Variants in RIC8B observed in about 807,000 individuals in gnomAD.
RIC8B encodes RIC8 guanine nucleotide exchange factor B.
Under a neutral mutation model 57.5 loss-of-function variants are expected in RIC8B, and 16 were observed. The observed-to-expected ratio is 0.28, with a 90% CI of 0.19 to 0.42. The LOEUF is 0.42. RIC8B is among the 10% of genes least tolerant of loss of function. The pLI is 1.00. For synonymous variants in RIC8B, 216 were observed against 250.8 expected, an observed-to-expected ratio of 0.86 and a Z score of 1.31; for missense variants, 481 against 677.0, an observed-to-expected ratio of 0.71 and a Z score of 3.21.
chr12:106,781,350 A>G (rs569220019), intron 1 of RIC8B, among the ~76,000 whole-genome samples: 1 of 152,306 alleles, frequency 6.6e-6, no homozygotes, highest in South Asian at 2.1e-4. Context: ...TTCTAGAAAT[A>G]CATGTACAGC....
chr12:106,828,511 T>G (rs1285786475), intron 4 of RIC8B, among the ~76,000 whole-genome samples: 1 of 152,212 alleles, frequency 6.6e-6, no homozygotes, highest in East Asian at 1.9e-4. Flanking sequence ...TTGCTTTTTT[T>G]TGGACACTTT....
intron 6 of RIC8B, among the ~76,000 whole-genome samples, chr12:106,846,135 C>T (rs1949177188): frequency 6.6e-6 from 1 of 152,188 alleles, no homozygotes; most frequent in Admixed American, 6.5e-5. Flanking sequence ...ATATCTCCAG[C>T]CCTGACCTGT....
chr12:106,784,631 G>A (rs2043918933), intron 2 of RIC8B, among the ~76,000 whole-genome samples: 2 of 152,112 alleles, frequency 1.3e-5, no homozygotes, highest in South Asian at 4.1e-4. Flanking sequence ...CCAAAGTGCT[G>A]GGATTACAGG....
At chr12:106,809,795 G>A (rs1233348337) in intron 2 of RIC8B, among the ~76,000 whole-genome samples, 1 of 151,898 alleles carries the variant, frequency 6.6e-6, no homozygotes, top group South Asian at 2.1e-4. Flanking sequence ...GGTAATTGGG[G>A]TATCCATCCT....
At chr12:106,792,100 C>G (rs2044282283) in intron 2 of RIC8B, among the ~76,000 whole-genome samples, 1 of 152,178 alleles carries the variant, frequency 6.6e-6, no homozygotes, top group African/African-American at 2.4e-5. Flanking sequence ...ACATCTTCAT[C>G]TCTTTAAAAT....
intron 2 of RIC8B, among the ~76,000 whole-genome samples, chr12:106,787,330 G>A (rs1290513977): frequency 6.6e-6 from 1 of 152,110 alleles, no homozygotes; most frequent in Non-Finnish European, 1.5e-5. Flanking sequence ...CATGCCTAAG[G>A]CTCTTTTTAG....
At chr12:106,808,528 G>A (rs924711650) in intron 2 of RIC8B, among the ~76,000 whole-genome samples, 2 of 152,088 alleles carry the variant, frequency 1.3e-5, no homozygotes, top group Admixed American at 1.3e-4. Flanking sequence ...TCCCTAATTT[G>A]CAGTAGGCCA....
At chr12:106,856,338 T>G (rs1260481749) in intron 7 of RIC8B, among the ~76,000 whole-genome samples, 1 of 152,186 alleles carries the variant, frequency 6.6e-6, no homozygotes, top group Non-Finnish European at 1.5e-5. Flanking sequence ...GCCTGCATGG[T>G]AAAAACCAAA....
chr12:106,864,559 C>T (rs1286911486), intron 8 of RIC8B, among the ~76,000 whole-genome samples: 1 of 152,044 alleles, frequency 6.6e-6, no homozygotes, highest in African/African-American at 2.4e-5. Flanking sequence ...GCAAACAGTT[C>T]GTTAAGTGGT....
At chr12:106,788,923 T>G (rs2044149668) in intron 2 of RIC8B, among the ~76,000 whole-genome samples, 1 of 152,254 alleles carries the variant, frequency 6.6e-6, no homozygotes, top group Non-Finnish European at 1.5e-5. Flanking sequence ...GAATTTCTCC[T>G]CAGAAAATGG....
chr12:106,806,653 A>G (rs2045038475), intron 2 of RIC8B, among the ~76,000 whole-genome samples: 1 of 151,986 alleles, frequency 6.6e-6, no homozygotes, highest in African/African-American at 2.4e-5. Flanking sequence ...AACCTGGTGA[A>G]ACCCCGTCTC....
Position 106,789,422 on chromosome 12 carries a change from T to C in RIC8B, c.132+5378T>C, listed in dbSNP as rs142318902. Among the ~76,000 whole-genome samples the C allele has an allele frequency of 3.9e-5, 6 of 152,280 alleles. No homozygotes were observed. In the East Asian group the frequency reaches 1.2e-3, roughly 29 times the overall value. On this transcript the variant is annotated intron_variant, in intron 2 of 9. Transcript: ENST00000392837. ...AACACCCCACTCTACTGGTACCAAC[T>C]TAACATACTAGTCCATTTTCACACG...
At chr12:106,780,425 G>T (rs1593063820) in intron 1 of RIC8B, among the ~76,000 whole-genome samples, 1 of 152,206 alleles carries the variant, frequency 6.6e-6, no homozygotes, top group Non-Finnish European at 1.5e-5. Flanking sequence ...TCATTCATGT[G>T]CTAGAAGAAC....
chr12:106,870,607 GT>G (rs1290577132), intron 8 of RIC8B, among the ~76,000 whole-genome samples: 1 of 150,494 alleles, frequency 6.6e-6, no homozygotes, highest in African/African-American at 2.4e-5. Flanking sequence ...GACAGTTTTC[GT>G]TTTTTAAAAA....
intron 6 of RIC8B, among the ~76,000 whole-genome samples, chr12:106,844,927 C>T (rs1280388455): frequency 6.6e-6 from 1 of 152,044 alleles, no homozygotes; most frequent in Non-Finnish European, 1.5e-5. Context: ...TGAAACTAGC[C>T]TCCTCTAAAA....
At chr12:106,797,620 C>T (rs1435986165) in intron 2 of RIC8B, among the ~76,000 whole-genome samples, 1 of 152,150 alleles carries the variant, frequency 6.6e-6, no homozygotes, top group Non-Finnish European at 1.5e-5. Context: ...CAATGAATTG[C>T]ATGCTTTAAC....
Position 106,843,906 on chromosome 12 carries a change from T to A in RIC8B, c.1120T>A (p.Ser374Thr). The A allele has an allele frequency of 1.2e-6, 2 of 1,613,708 alleles. No individual in the cohort carries two copies. The highest frequency in any genetic ancestry group is 1.7e-6 in the Non-Finnish European group (2 of 1,179,910). Residue 374 changes from serine to threonine, a missense_variant, in exon 6 of 10, where the codon TCC becomes ACC. By Grantham distance (58) the Ser-to-Thr change is moderately conservative. Around this residue, in one of 3 missense-constraint regions of RIC8B, gnomAD observed 421 missense variants for 560.9 expected, o/e 0.75. Transcript: ENST00000392837. ...AGTTCTCAGCTTATTAACCGAATGT[T>A]CCCGAGCCCATCGAAACATCCGAAA... ...TPVLSLLTEC[S>T]RAHRNIRKFL...
At chr12:106,817,905 T>C (rs1294560248) in intron 3 of RIC8B, among the ~76,000 whole-genome samples, 1 of 151,568 alleles carries the variant, frequency 6.6e-6, no homozygotes, top group Non-Finnish European at 1.5e-5. Flanking sequence ...TTTTAATATC[T>C]GCTTGATTGT....
chr12:106,815,400 G>C, intron 3 of RIC8B, 96 bp downstream of exon 3: 1 of 1,331,210 alleles, frequency 7.5e-7, no homozygotes, highest in East Asian at 2.3e-5. Context: ...GTTGGGAAAT[G>C]GAAAAAGTTC....
Sources: allele counts gnomAD v4.1 joint callset (sites outside exome capture counted in the v4.1 genomes callset), GRCh38; gene constraint gnomAD v4.1.1; regional missense constraint gnomAD v4.1.1; transcripts MANE v1.5; gene names NCBI Gene and HGNC (gene_info 2026-07-23, HGNC 2026-07-21).